MTRR: variants seen among roughly 807,000 people sequenced by gnomAD.
MTRR encodes methionine synthase reductase.
Under a neutral mutation model 79.2 loss-of-function variants are expected in MTRR, and 63 were observed. The ratio of observed to expected loss-of-function variants is 0.80; its 90% CI spans 0.65 to 0.98. The LOEUF is 0.98. Ranked by LOEUF, MTRR falls within the 50% of genes least tolerant of loss-of-function variation. The pLI is 0.00. For missense variants in MTRR, 895 were observed against 839.6 expected, an observed-to-expected ratio of 1.07 and a Z score of -0.82; for synonymous variants, 355 against 313.3, an observed-to-expected ratio of 1.13 and a Z score of -1.41.
At chr5:7,875,095 A>G (rs1748646698) in intron 3 of MTRR, 163 bp from the exon 4 acceptor site, 4 of 646,354 alleles carry the variant, frequency 6.2e-6, no homozygotes, top group Non-Finnish European at 1.1e-5. Flanking sequence ...AAAACTGCCT[A>G]CATGCATAGA....
intron 10 of MTRR, among the ~76,000 whole-genome samples, chr5:7,892,475 T>C (rs1474433481): frequency 1.3e-5 from 2 of 152,204 alleles, no homozygotes; most frequent in African/African-American, 4.8e-5. Flanking sequence ...TATTAGATTT[T>C]ATAAATATCA....
Position 7,896,871 on chromosome 5 carries a change from C to T in MTRR, c.1684C>T (p.Leu562Phe). The T allele has an allele frequency of 1.9e-6, 3 of 1,613,656 alleles. No homozygotes were observed. The highest frequency in any genetic ancestry group is 2.5e-6 in the Non-Finnish European group (3 of 1,179,800). ...TTTTTTTTTTCCACTTAGAGAGAAA[C>T]TCCAAGAACAACACCCAGATGGAAA... ...FIGFLQHREK[L>F]QEQHPDGNFG... Residue 562 changes from leucine (L) to phenylalanine (F), a missense_variant, in exon 13 of 15, where the codon CTC (leucine) becomes TTC (phenylalanine). Leu to Phe is a conservative substitution (Grantham distance 22). Coordinates refer to ENST00000440940, the MANE Select transcript of MTRR (RefSeq NM_002454.3).
intron 14 of MTRR, among the ~76,000 whole-genome samples, chr5:7,899,133 G>C (rs1316864169): frequency 6.6e-6 from 1 of 152,100 alleles, no homozygotes. Context: ...TCATTACAGC[G>C]AGCATAACAT....
At chr5:7,861,910 T>C (rs1250509379) in intron 1 of MTRR, 2 of 449,074 alleles carry the variant, frequency 4.5e-6, no homozygotes, top group Non-Finnish European at 6.9e-6. Context: ...ATCTGGGGTA[T>C]GACAAGAACC....
upstream of MTRR, chr5:7,867,267 G>A (rs1366040378): frequency 6.2e-7 from 1 of 1,613,770 alleles, no homozygotes; most frequent in African/African-American, 1.3e-5. Flanking sequence ...AATGTTTGGT[G>A]TTCATCCACT....
At chr5:7,868,049 C>A (rs754653963), upstream of MTRR, 13 of 1,612,080 alleles carry the variant, frequency 8.1e-6, 1 homozygote, top group South Asian at 1.3e-4. Flanking sequence ...ATCAGATAAA[C>A]GATAAAGGTT....
chr5:7,877,982 G>A lies in MTRR; in HGVS notation c.440G>A (p.Trp147Ter). 1 of 1,613,528 alleles carries A rather than the reference G, an allele frequency of 6.2e-7. No individual in the cohort carries two copies. Among genetic ancestry groups the A allele is most frequent in the South Asian group, 1.1e-5 (1 of 91,044 alleles). Residue 147 changes from tryptophan (W) to a stop codon, truncating the protein, a stop_gained, in exon 5 of 15, where the codon TGG becomes TAG. Coordinates refer to ENST00000440940, the MANE Select transcript of MTRR (RefSeq NM_002454.3). LOFTEE classifies it high-confidence loss of function. ...GTTGAGCCGTGGATTGCTGGACTCT[G>A]GCCAGCCCTCAGAAAGCATTTTAGG... ...LVVEPWIAGL[W>*]PALRKHFRSS...
intron 1 of MTRR, among the ~76,000 whole-genome samples, chr5:7,854,417 T>C (rs1001386166): frequency 6.6e-6 from 1 of 152,044 alleles, no homozygotes; most frequent in Admixed American, 6.5e-5. Flanking sequence ...TGATCACAAG[T>C]TCCCTGTATT....
chr5:7,897,304 A>C lies in MTRR; in HGVS notation c.1952+57A>C, dbSNP rs553224419. 10 of 1,569,482 alleles carry C rather than the reference A, an allele frequency of 6.4e-6. No homozygotes were observed. In the African/African-American group the frequency reaches 1.4e-4, roughly 21 times the overall value. On this transcript the variant is annotated intron_variant, in intron 14 of 14. Coordinates refer to ENST00000440940, the MANE Select transcript of MTRR (RefSeq NM_002454.3). ...AGAGGGCCATCAGTGATGTCTGTAG[A>C]AGAAAAAAAGGACCGAGAAGCCAAT...
intron 14 of MTRR, among the ~76,000 whole-genome samples, chr5:7,899,524 TC>T (rs1739124111): frequency 2.6e-5 from 4 of 152,182 alleles, no homozygotes; most frequent in African/African-American, 9.6e-5. Context: ...GTGCGAGAGA[TC>T]TGGTTCCCTT....
upstream of MTRR, chr5:7,868,270 A>G (rs575564462): frequency 1.9e-6 from 1 of 530,106 alleles, no homozygotes; most frequent in Non-Finnish European, 3.3e-6. Context: ...TCTGCATCCT[A>G]GAGTTAGAAG....
chr5:7,892,909 CTAAGGTA>C lies in MTRR; in HGVS notation c.1554_1557+3del, dbSNP rs754619743. On this transcript the variant is annotated splice_donor_variant and splice_donor_region_variant and coding_sequence_variant and intron_variant, in exon 11 of 15. Transcript: ENST00000440940. LOFTEE classifies it high-confidence loss of function. ...GAAGACAGCGGGAAAGCCCTGGCTCCTAAGGTAAGAAATTAGTACCTTAACCTCAGCA... is the reference window on the plus strand; with the variant it reads ...GAAGACAGCGGGAAAGCCCTGGCTCCAGAAATTAGTACCTTAACCTCAGCA... The C allele has an allele frequency of 3.7e-6, 6 of 1,613,858 alleles. No homozygotes were observed. Among genetic ancestry groups the C allele is most frequent in the Non-Finnish European group, 5.1e-6 (6 of 1,179,822 alleles).
chr5:7,889,340 T>C (rs1737164882), intron 9 of MTRR, 65 bp downstream of exon 9: 1 of 1,583,668 alleles, frequency 6.3e-7, no homozygotes, highest in Non-Finnish European at 8.6e-7. Context: ...GCCACCTTTC[T>C]GTAGTAAAGA....
At chr5:7,876,226 A>G (rs922291546) in intron 4 of MTRR, among the ~76,000 whole-genome samples, 2 of 152,138 alleles carry the variant, frequency 1.3e-5, no homozygotes, top group African/African-American at 4.8e-5. Context: ...CTCTGATGCC[A>G]TGGGTTTTTT....
chr5:7,885,828 A>T lies in MTRR; in HGVS notation c.1031A>T (p.Lys344Ile). Residue 344 changes from lysine (K) to isoleucine (I), a missense_variant, in exon 7 of 15, where the codon AAA becomes ATA. Lys to Ile is a moderately radical substitution (Grantham distance 102). Coordinates refer to ENST00000440940, the MANE Select transcript of MTRR (RefSeq NM_002454.3). ...AAAAGAGAGCACTGCGTCCTTTTGA[A>T]AATAAAGGCAGACACAAAGAAGAAA... ...EDKREHCVLL[K>I]IKADTKKKGA... 6.2e-7 allele frequency: 1 copy of T among 1,614,146 alleles called. No individual in the cohort carries two copies. Among genetic ancestry groups the T allele is most frequent in the Non-Finnish European group, 8.5e-7 (1 of 1,180,024 alleles).
At chr5:7,876,017 T>G (rs1047954612) in intron 4 of MTRR, among the ~76,000 whole-genome samples, 7 of 152,268 alleles carry the variant, frequency 4.6e-5, no homozygotes, top group Admixed American at 3.9e-4. Flanking sequence ...TACTTAGCCT[T>G]CAACTATTTT....
At chr5:7,867,031 A>G (rs780635696), upstream of MTRR, 7 of 1,614,176 alleles carry the variant, frequency 4.3e-6, no homozygotes, top group Non-Finnish European at 5.9e-6. Context: ...GGGCTTTTGT[A>G]AAAAATGTGT....
At chr5:7,865,327 T>G (rs187506623), upstream of MTRR, among the ~76,000 whole-genome samples, 142 of 152,282 alleles carry the variant, frequency 9.3e-4, no homozygotes, top group African/African-American at 3.3e-3. Context: ...TACTCTAAAC[T>G]ATGATTCAGA....
In MTRR at chr5:7,873,468, A is replaced by T; in HGVS notation, c.225A>T (p.Glu75Asp). 1 of 1,614,168 alleles carries T rather than the reference A, an allele frequency of 6.2e-7. No individual in the cohort carries two copies. The change falls in exon 3 of 15, where the codon GAA (glutamate) becomes GAT (aspartate). Residue 75 changes from glutamate (E) to aspartate (D), a missense_variant. Coordinates refer to ENST00000440940, the MANE Select transcript of MTRR (RefSeq NM_002454.3). Reference sequence around the variant, plus strand: ...ACACAGCCCGCAAGTTTGTTAAGGAAATACAGAACCAAACACTGCCGGTTG... The same window carrying T: ...ACACAGCCCGCAAGTTTGTTAAGGATATACAGAACCAAACACTGCCGGTTG... ...PPDTARKFVK[E>D]IQNQTLPVDF...
Sources: gnomAD v4.1 joint callset for allele counts (sites outside exome capture counted in the v4.1 genomes callset) on GRCh38, gnomAD v4.1.1 for gene constraint, MANE v1.5 for transcripts, NCBI Gene and HGNC (gene_info 2026-07-23, HGNC 2026-07-21) for gene names.